ARHGAP22: variants seen among roughly 807,000 people sequenced by gnomAD.
ARHGAP22 encodes the protein rho GTPase-activating protein 22.
In ARHGAP22, 48 loss-of-function variants were observed where a neutral mutation model predicts 59.1. That is an observed-to-expected ratio of 0.81 (90% CI 0.64 to 1.03). The LOEUF is 1.03. Ranked by LOEUF, ARHGAP22 falls within the 50% of genes least tolerant of loss-of-function variation. The pLI is 0.00. For missense variants in ARHGAP22, 1,015 were observed against 958.7 expected (o/e 1.06, Z -0.78); for synonymous variants, 445 against 416.4 (o/e 1.07, Z -0.84).
At chr10:48,627,745 T>G (rs1448853142) in intron 1 of ARHGAP22, among the ~76,000 whole-genome samples, 1 of 152,192 alleles carries the variant, frequency 6.6e-6, no homozygotes, top group East Asian at 1.9e-4. Context: ...CAACTGATAA[T>G]GTGAGGCATG....
intron 2 of ARHGAP22, among the ~76,000 whole-genome samples, chr10:48,556,264 G>T (rs984207677): frequency 6.6e-6 from 1 of 150,530 alleles, no homozygotes; most frequent in African/African-American, 2.4e-5. Flanking sequence ...CTGAACCTCA[G>T]TTTCCACATC....
At chr10:48,490,098 T>A (rs2050235914) in intron 3 of ARHGAP22, among the ~76,000 whole-genome samples, 1 of 152,090 alleles carries the variant, frequency 6.6e-6, no homozygotes, top group Non-Finnish European at 1.5e-5. Flanking sequence ...TCCCTCAATG[T>A]GGAGCACAGT....
chr10:48,473,506 T>G (rs2048413981), intron 4 of ARHGAP22, among the ~76,000 whole-genome samples: 1 of 151,828 alleles, frequency 6.6e-6, no homozygotes, highest in South Asian at 2.1e-4. Context: ...AATAAGTGTT[T>G]AATGAATGAA....
At chr10:48,541,485 T>C (rs542509549) in intron 3 of ARHGAP22, among the ~76,000 whole-genome samples, 1 of 152,326 alleles carries the variant, frequency 6.6e-6, no homozygotes, top group African/African-American at 2.4e-5. Context: ...CAGCCTGATC[T>C]TCTTGAGCCT....
At chr10:48,493,276 G>T (rs1277428094) in intron 3 of ARHGAP22, among the ~76,000 whole-genome samples, 2 of 152,206 alleles carry the variant, frequency 1.3e-5, no homozygotes, top group Non-Finnish European at 2.9e-5. Flanking sequence ...AGATGTACCA[G>T]GCTGAACCTC....
At chr10:48,448,595 C>T (rs1314690927) in intron 9 of ARHGAP22, among the ~76,000 whole-genome samples, 1 of 113,790 alleles carries the variant, frequency 8.8e-6, no homozygotes, top group Non-Finnish European at 1.7e-5. Flanking sequence ...GCCAGCCTCA[C>T]CCCACCCCCC....
At chr10:48,500,759 C>A (rs1488181413) in intron 3 of ARHGAP22, among the ~76,000 whole-genome samples, 1 of 151,802 alleles carries the variant, frequency 6.6e-6, no homozygotes, top group South Asian at 2.1e-4. Flanking sequence ...GGCGTGGTGG[C>A]GGGCACCTGT....
intron 2 of ARHGAP22, among the ~76,000 whole-genome samples, chr10:48,561,896 A>T (rs2057708845): frequency 6.6e-6 from 1 of 152,246 alleles, no homozygotes; most frequent in Non-Finnish European, 1.5e-5. Flanking sequence ...GTTAAACGAC[A>T]ATCACTTTGG....
At chr10:48,500,213 G>A (rs1003443023) in intron 3 of ARHGAP22, among the ~76,000 whole-genome samples, 6 of 152,242 alleles carry the variant, frequency 3.9e-5, no homozygotes, top group Middle Eastern at 3.4e-3. Flanking sequence ...GTGTGGTGGC[G>A]CACACCTGTA....
At chr10:48,597,579 T>C (rs1352876672) in intron 1 of ARHGAP22, among the ~76,000 whole-genome samples, 1 of 152,068 alleles carries the variant, frequency 6.6e-6, no homozygotes, top group Non-Finnish European at 1.5e-5. Flanking sequence ...CAATGGGCAA[T>C]TTTCTTTGAG....
At chr10:48,512,433 T>G (rs2052873601) in intron 3 of ARHGAP22, among the ~76,000 whole-genome samples, 1 of 152,260 alleles carries the variant, frequency 6.6e-6, no homozygotes, top group Non-Finnish European at 1.5e-5. Flanking sequence ...TTAAATGAAC[T>G]CTACATAGAA....
intron 3 of ARHGAP22, among the ~76,000 whole-genome samples, chr10:48,515,723 G>A (rs2053222272): frequency 6.6e-6 from 1 of 152,166 alleles, no homozygotes; most frequent in Non-Finnish European, 1.5e-5. Flanking sequence ...AAGTTTGAAA[G>A]TATATTCACT....
chr10:48,552,346 C>T (rs1177079379), intron 3 of ARHGAP22, among the ~76,000 whole-genome samples: 1 of 152,268 alleles, frequency 6.6e-6, no homozygotes, highest in Non-Finnish European at 1.5e-5. Flanking sequence ...CTGGCCTAGG[C>T]CCAGACCCCA....
In ARHGAP22 at chr10:48,459,911, A is replaced by G; in HGVS notation, c.452-20T>C. On this transcript the variant is annotated intron_variant, in intron 4 of 9. Coordinates refer to ENST00000249601, the MANE Select transcript of ARHGAP22 (RefSeq NM_021226.4). ...AGATCCCTGAGCACAGAGAGGAGCTAGTCACACCCTCCACCACCCAGCTCA... is the reference window on the plus strand; with the variant it reads ...AGATCCCTGAGCACAGAGAGGAGCTGGTCACACCCTCCACCACCCAGCTCA... 6.2e-7 allele frequency: 1 copy of G among 1,606,842 alleles called. No homozygotes were observed.
At chr10:48,537,186 A>G (rs1196575562) in intron 3 of ARHGAP22, among the ~76,000 whole-genome samples, 1 of 152,244 alleles carries the variant, frequency 6.6e-6, no homozygotes, top group Non-Finnish European at 1.5e-5. Flanking sequence ...ACATTCCTTC[A>G]GGGCAGCCCT....
At chr10:48,503,548 C>T (rs1214449436) in intron 3 of ARHGAP22, among the ~76,000 whole-genome samples, 1 of 152,202 alleles carries the variant, frequency 6.6e-6, no homozygotes, top group Non-Finnish European at 1.5e-5. Flanking sequence ...CTGCTAACAC[C>T]ACGTACATGC....
chr10:48,450,671 C>CA lies in ARHGAP22; in HGVS notation c.1457dup (p.Gln487AlafsTer119). On this transcript the variant is annotated frameshift_variant, in exon 9 of 10. Coordinates refer to ENST00000249601, the MANE Select transcript of ARHGAP22 (RefSeq NM_021226.4). LOFTEE classifies it high-confidence loss of function. ...CATTGTCGTAGGTGGAGAGTCTCTG[C>CA]ACGGAGCCCGAGTCCTTGAGCCGGT... 6.4e-7 allele frequency: 1 copy of CA among 1,550,580 alleles called. No individual in the cohort carries two copies. The highest frequency in any genetic ancestry group is 8.7e-7 in the Non-Finnish European group (1 of 1,147,158).
At chr10:48,504,450 C>CA in intron 3 of ARHGAP22, among the ~76,000 whole-genome samples, 1 of 152,252 alleles carries the variant, frequency 6.6e-6, no homozygotes, top group South Asian at 2.1e-4. Flanking sequence ...GACAGGGAGC[C>CA]AACCAAGGTG....
intron 3 of ARHGAP22, among the ~76,000 whole-genome samples, chr10:48,515,306 T>C (rs1406433595): frequency 6.6e-6 from 1 of 151,946 alleles, no homozygotes; most frequent in Non-Finnish European, 1.5e-5. Context: ...TCAGACAAAA[T>C]TGACTTTAAA....
Sources: gnomAD v4.1 joint callset for allele counts (sites outside exome capture counted in the v4.1 genomes callset) on GRCh38, gnomAD v4.1.1 for gene constraint, MANE v1.5 for transcripts, NCBI Gene and HGNC (gene_info 2026-07-23, HGNC 2026-07-21) for gene names.